The following RBFOX1 variants were observed in gnomAD, a reference collection of about 807,000 sequenced individuals.
The protein encoded by RBFOX1 is RNA binding protein fox-1 homolog 1.
Under a neutral mutation model 57.7 loss-of-function variants are expected in RBFOX1, and 8 were observed. The observed-to-expected ratio is 0.14, with a 90% CI of 0.08 to 0.25. RBFOX1 has a LOEUF of 0.25. Ranked by LOEUF, RBFOX1 falls within the 10% of genes least tolerant of loss-of-function variation. The pLI is 1.00. For synonymous variants in RBFOX1, 326 were observed against 222.4 expected, an observed-to-expected ratio of 1.47 and a Z score of -4.15; for missense variants, 611 against 548.5, an observed-to-expected ratio of 1.11 and a Z score of -1.14.
At chr16:6,943,982 C>T (rs898986593) in intron 3 of RBFOX1, among the ~76,000 whole-genome samples, 5 of 152,136 alleles carry the variant, frequency 3.3e-5, no homozygotes, top group Non-Finnish European at 7.4e-5. Context: ...GCCCAACTCA[C>T]GAACTGTTCA....
chr16:7,673,189 C>T (rs141560051), intron 13 of RBFOX1, among the ~76,000 whole-genome samples: 4 of 152,158 alleles, frequency 2.6e-5, no homozygotes, highest in East Asian at 3.9e-4. Context: ...ACTGTTTGGC[C>T]GGTAGAACAT....
intron 3 of RBFOX1, among the ~76,000 whole-genome samples, chr16:6,872,673 T>C (rs1485440043): frequency 6.6e-6 from 1 of 152,224 alleles, no homozygotes; most frequent in Admixed American, 6.5e-5. Context: ...ACACTGTCAC[T>C]GCTAGCAAAA....
chr16:7,707,802 T>G (rs1023409493), intron 14 of RBFOX1, among the ~76,000 whole-genome samples: 2 of 152,174 alleles, frequency 1.3e-5, no homozygotes, highest in African/African-American at 4.8e-5. Flanking sequence ...CAGATATTCA[T>G]CTCAGACGTT....
intron 4 of RBFOX1, among the ~76,000 whole-genome samples, chr16:7,233,798 A>G (rs1457401053): frequency 6.6e-6 from 1 of 152,160 alleles, no homozygotes; most frequent in African/African-American, 2.4e-5. Flanking sequence ...TTCTTGCTCT[A>G]GTTTATTGTG....
chr16:5,259,411 A>T (rs1330670970), intron 1 of RBFOX1, among the ~76,000 whole-genome samples: 3 of 152,142 alleles, frequency 2.0e-5, no homozygotes, highest in Admixed American at 2.0e-4. Context: ...TGGGTTGGGA[A>T]CTAGTCTTTG....
chr16:7,303,297 C>G (rs1400319828), intron 4 of RBFOX1, among the ~76,000 whole-genome samples: 1 of 152,224 alleles, frequency 6.6e-6, no homozygotes, highest in Admixed American at 6.5e-5. Context: ...AACCTCCTCC[C>G]CTCCCTCAGC....
chr16:6,403,891 A>C (rs2093175793), intron 2 of RBFOX1, among the ~76,000 whole-genome samples: 1 of 152,118 alleles, frequency 6.6e-6, no homozygotes, highest in Non-Finnish European at 1.5e-5. Flanking sequence ...GTCCTGATTC[A>C]ATAGGACTGG....
intron 2 of RBFOX1, among the ~76,000 whole-genome samples, chr16:6,648,211 A>G (rs143766957): frequency 1.5e-4 from 22 of 151,356 alleles, no homozygotes; most frequent in African/African-American, 5.3e-4. Flanking sequence ...CCACCTAGCT[A>G]ATTTTTTTCT....
chr16:6,633,203 C>T (rs2098404189), intron 2 of RBFOX1, among the ~76,000 whole-genome samples: 1 of 152,166 alleles, frequency 6.6e-6, no homozygotes, highest in Admixed American at 6.5e-5. Context: ...TACTTACATC[C>T]TCACATCAGT....
chr16:5,366,894 C>G (rs969645808), intron 1 of RBFOX1, among the ~76,000 whole-genome samples: 15 of 152,120 alleles, frequency 9.9e-5, no homozygotes, highest in African/African-American at 3.6e-4. Context: ...TTTGCTTGGT[C>G]TTAAGTATGA....
In RBFOX1 at chr16:7,579,952, G is replaced by A. The variant is rs190280199; in HGVS notation, c.414+32G>A. The A allele has an allele frequency of 4.5e-4, 723 of 1,608,324 alleles. 5 individuals are homozygous for A. The East Asian group carries it at 0.011, about 25-fold the overall frequency. ...ATCACCTTTCTTCCCAGCAGTGCCCGCTCTGGGGGTTCCAGAGACCTCCCT... is the reference window on the plus strand; with the variant it reads ...ATCACCTTTCTTCCCAGCAGTGCCCACTCTGGGGGTTCCAGAGACCTCCCT... On this transcript the variant is annotated intron_variant, in intron 6 of 15. Transcript: ENST00000550418.
intron 3 of RBFOX1, among the ~76,000 whole-genome samples, chr16:6,918,259 G>T (rs1189611588): frequency 1.3e-5 from 2 of 150,260 alleles, no homozygotes; most frequent in Non-Finnish European, 3.0e-5. Flanking sequence ...TCCAGCCTGG[G>T]TGACAGAGCA....
At chr16:5,480,114 C>G (rs570599124) in intron 2 of RBFOX1, among the ~76,000 whole-genome samples, 2 of 152,144 alleles carry the variant, frequency 1.3e-5, no homozygotes, top group African/African-American at 4.8e-5. Flanking sequence ...AGGTCTCCTC[C>G]GCAGAGAGGG....
At chr16:5,826,569 A>C (rs73516176) in intron 3 of RBFOX1, among the ~76,000 whole-genome samples, 8,215 of 152,292 alleles carry the variant, frequency 0.054, 539 homozygotes, top group African/African-American at 0.16. Flanking sequence ...GTTGTGTGTC[A>C]AGAAAACTTT....
intron 14 of RBFOX1, among the ~76,000 whole-genome samples, chr16:7,703,393 A>G (rs1008948701): frequency 6.6e-6 from 1 of 152,134 alleles, no homozygotes; most frequent in African/African-American, 2.4e-5. Flanking sequence ...TCTGAACTTC[A>G]TCTGAGAGCT....
chr16:7,652,153 G>A (rs530208324), intron 11 of RBFOX1, among the ~76,000 whole-genome samples: 15 of 152,256 alleles, frequency 9.9e-5, no homozygotes, highest in African/African-American at 3.1e-4. Context: ...GACAAGTGTG[G>A]TCATTATGCT....
At chr16:7,525,831 A>T (rs535873861) in intron 5 of RBFOX1, among the ~76,000 whole-genome samples, 2 of 152,248 alleles carry the variant, frequency 1.3e-5, no homozygotes, top group African/African-American at 4.8e-5. Context: ...AGGGAGAAAG[A>T]GGTTGAAGAT....
At chr16:6,936,787 T>C (rs748660134) in intron 3 of RBFOX1, among the ~76,000 whole-genome samples, 38 of 152,204 alleles carry the variant, frequency 2.5e-4, no homozygotes, top group Non-Finnish European at 5.0e-4. Context: ...AATTGTTGCC[T>C]CTTGAAAGCC....
chr16:7,618,450 G>A (rs1454245282), intron 10 of RBFOX1, among the ~76,000 whole-genome samples: 1 of 151,996 alleles, frequency 6.6e-6, no homozygotes. Flanking sequence ...TAGGACAAAG[G>A]CTATTGTGAA....
Sources: allele counts gnomAD v4.1 joint callset (sites outside exome capture counted in the v4.1 genomes callset), GRCh38; gene constraint gnomAD v4.1.1; transcripts MANE v1.5; gene names NCBI Gene and HGNC (gene_info 2026-07-23, HGNC 2026-07-21).